The following WNT7A variants were observed in gnomAD, a reference collection of about 807,000 sequenced individuals.
WNT7A encodes Wnt family member 7A.
Under a neutral mutation model 28.2 loss-of-function variants are expected in WNT7A, and 16 were observed. The ratio of observed to expected loss-of-function variants is 0.57; its 90% confidence interval spans 0.38 to 0.86. The LOEUF is 0.86. WNT7A is among the 40% of genes least tolerant of loss of function. WNT7A has a pLI of 0.00. For synonymous variants in WNT7A, 190 were observed against 195.9 expected (o/e 0.97, Z 0.25); for missense variants, 411 against 489.7 (o/e 0.84, Z 1.52).
At chr3:13,841,400 G>A (rs1417945615) in intron 3 of WNT7A, among the ~76,000 whole-genome samples, 2 of 152,224 alleles carry the variant, frequency 1.3e-5, no homozygotes, top group Admixed American at 1.3e-4. Context: ...TGCAGCCTCT[G>A]GAGCTGGACT....
At chr3:13,845,136 C>A (rs1054545516) in intron 3 of WNT7A, among the ~76,000 whole-genome samples, 1 of 152,234 alleles carries the variant, frequency 6.6e-6, no homozygotes, top group Non-Finnish European at 1.5e-5. Context: ...AGGCCAGCAG[C>A]CACACTGGGA....
At chr3:13,822,004 C>T (rs73017519) in intron 3 of WNT7A, among the ~76,000 whole-genome samples, 6,776 of 152,328 alleles carry the variant, frequency 0.044, 208 homozygotes, top group African/African-American at 0.092. Context: ...TGTTCAGCAG[C>T]ACTGGTCCCC....
At chr3:13,861,697 G>A (rs184846691) in intron 2 of WNT7A, among the ~76,000 whole-genome samples, 47 of 152,286 alleles carry the variant, frequency 3.1e-4, no homozygotes, top group Non-Finnish European at 1.8e-4. Flanking sequence ...GGGCGGCACC[G>A]GAGGAGGTGA....
intron 3 of WNT7A, among the ~76,000 whole-genome samples, chr3:13,820,989 C>A (rs1249482165): frequency 6.6e-6 from 1 of 152,232 alleles, no homozygotes; most frequent in Non-Finnish European, 1.5e-5. Context: ...GCAGCCCATG[C>A]TGGATGAGCA....
chr3:13,834,521 T>G (rs1694335761), intron 3 of WNT7A, among the ~76,000 whole-genome samples: 1 of 152,028 alleles, frequency 6.6e-6, no homozygotes, highest in Non-Finnish European at 1.5e-5. Flanking sequence ...GCTGCCTCTT[T>G]GACTTCATCT....
chr3:13,834,203 G>A (rs146773348), intron 3 of WNT7A, among the ~76,000 whole-genome samples: 4 of 151,752 alleles, frequency 2.6e-5, no homozygotes, highest in African/African-American at 9.8e-5. Flanking sequence ...TTTGCTCAGG[G>A]TGATAATGGC....
intron 1 of WNT7A, among the ~76,000 whole-genome samples, chr3:13,879,119 G>T (rs1260356142): frequency 1.3e-5 from 2 of 152,248 alleles, no homozygotes; most frequent in Non-Finnish European, 2.9e-5. Context: ...GGGGTGGGAC[G>T]TGCTGTCCCC....
At chr3:13,830,991 T>C (rs1694272892) in intron 3 of WNT7A, among the ~76,000 whole-genome samples, 1 of 152,162 alleles carries the variant, frequency 6.6e-6, no homozygotes, top group South Asian at 2.1e-4. Context: ...CTGGGTTAAA[T>C]GACCGAAGGT....
At chr3:13,869,510 GGA>G (rs1694994875) in intron 2 of WNT7A, among the ~76,000 whole-genome samples, 2 of 139,716 alleles carry the variant, frequency 1.4e-5, no homozygotes, top group Non-Finnish European at 3.1e-5. Context: ...AGAGAGGAAG[GGA>G]GAGAGAGAAA....
At position 13,879,760 on chromosome 3, in the gene WNT7A, G is replaced by A. The variant is rs377577708; in HGVS notation, c.57C>T (p.Val19=). ...GCAGCCCTTACCCGATCCGGAGGTA[G>A]ACCATGCCCAGGCTGAGAAAGAGGT... ...LGHLFLSLGM[V]YLRIGGFSSV... Residue 19 remains valine (V), a synonymous_variant, in exon 1 of 4, where the codon GTC becomes GTT. Coordinates refer to ENST00000285018, the MANE Select transcript of WNT7A (RefSeq NM_004625.4). 3.7e-6 allele frequency: 6 copies of A among 1,612,848 alleles called. No homozygotes were observed. The highest frequency in any genetic ancestry group is 5.1e-6 in the Non-Finnish European group (6 of 1,179,382).
intron 3 of WNT7A, among the ~76,000 whole-genome samples, chr3:13,829,256 G>C (rs957925153): frequency 1.3e-5 from 2 of 152,140 alleles, no homozygotes; most frequent in South Asian, 4.2e-4. Flanking sequence ...ACCATATCCA[G>C]ATTTTTATTT....
intron 3 of WNT7A, among the ~76,000 whole-genome samples, chr3:13,826,094 T>C (rs1357132960): frequency 1.3e-5 from 2 of 152,178 alleles, no homozygotes; most frequent in Non-Finnish European, 2.9e-5. Flanking sequence ...TGTTTCACAG[T>C]GAGGACCTAC....
intron 3 of WNT7A, among the ~76,000 whole-genome samples, chr3:13,829,596 C>A (rs1387189529): frequency 6.6e-6 from 1 of 152,168 alleles, no homozygotes; most frequent in East Asian, 1.9e-4. Flanking sequence ...CTGCTTCTGT[C>A]TGTACACTGC....
At chr3:13,840,596 T>TCCATC (rs1694440805) in intron 3 of WNT7A, among the ~76,000 whole-genome samples, 4 of 150,206 alleles carry the variant, frequency 2.7e-5, no homozygotes, top group Middle Eastern at 3.4e-3. Context: ...AGCTATTCAT[T>TCCATC]CATCCATCCA....
At chr3:13,828,281 C>G (rs1173286992) in intron 3 of WNT7A, among the ~76,000 whole-genome samples, 1 of 152,076 alleles carries the variant, frequency 6.6e-6, no homozygotes, top group African/African-American at 2.4e-5. Context: ...CCACATGGGG[C>G]CAGAGGATGG....
chr3:13,868,874 G>A (rs1031287127), intron 2 of WNT7A, among the ~76,000 whole-genome samples: 4 of 146,600 alleles, frequency 2.7e-5, no homozygotes, highest in African/African-American at 5.1e-5. Context: ...AAGAGACAGA[G>A]GGAGAGAAGG....
At chr3:13,822,170 G>C (rs1389877172) in intron 3 of WNT7A, among the ~76,000 whole-genome samples, 2 of 152,212 alleles carry the variant, frequency 1.3e-5, no homozygotes, top group Non-Finnish European at 2.9e-5. Context: ...AAAACAGTCT[G>C]GCAGCTCCTC....
At chr3:13,875,942 C>G (rs1575076823) in intron 1 of WNT7A, 1 of 152,562 alleles carries the variant, frequency 6.6e-6, no homozygotes, top group East Asian at 1.9e-4. Flanking sequence ...AGGCAATGCC[C>G]TGCCCTCAAG....
intron 1 of WNT7A, 27 bp downstream of exon 1, chr3:13,879,719 C>A (rs763394717): frequency 1.9e-6 from 3 of 1,608,862 alleles, no homozygotes; most frequent in Admixed American, 1.7e-5. Flanking sequence ...TCGAAACACG[C>A]GCGGAAAGGG....
Sources: gnomAD v4.1 joint callset for allele counts (sites outside exome capture counted in the v4.1 genomes callset) on GRCh38, gnomAD v4.1.1 for gene constraint, MANE v1.5 for transcripts, NCBI Gene and HGNC (gene_info 2026-07-23, HGNC 2026-07-21) for gene names.